C5orf63: variants seen among roughly 807,000 people sequenced by gnomAD.
C5orf63 encodes the protein chromosome 5 open reading frame 63, also known as glutaredoxin-like protein C5orf63.
A neutral mutation model predicts 13.3 loss-of-function variants in C5orf63; 18 were observed. The observed-to-expected ratio is 1.36, with a 90% CI of 0.94 to 2.01. The LOEUF (loss-of-function observed/expected upper bound fraction) is 2.01, where lower values mean the gene tolerates loss of function less well. C5orf63 is among the 30% of genes most tolerant of loss of function. The pLI, the probability that C5orf63 is intolerant of heterozygous loss-of-function variation, is 0.00. For synonymous variants in C5orf63, 38 were observed against 44.7 expected, an observed-to-expected ratio of 0.85 and a Z score of 0.60; for missense variants, 118 against 127.7, an observed-to-expected ratio of 0.92 and a Z score of 0.36.
At chr5:127,043,897 C>A (rs193104436), downstream of C5orf63, 1 of 152,180 alleles carries the variant, frequency 6.6e-6, no homozygotes, top group African/African-American at 2.4e-5. Context: ...TTAAGGGAAG[C>A]GTTTTCTAAA....
intron 2 of C5orf63, among the ~76,000 whole-genome samples, chr5:127,062,001 G>A (rs771206393): frequency 6.6e-5 from 10 of 152,168 alleles, no homozygotes; most frequent in African/African-American, 1.4e-4. Flanking sequence ...ATTTATTGAC[G>A]TCTGGTTGAT....
chr5:127,049,485 A>C (rs139920940), downstream of C5orf63, among the ~76,000 whole-genome samples: 4 of 152,290 alleles, frequency 2.6e-5, no homozygotes, highest in African/African-American at 9.6e-5. Flanking sequence ...CATTCCTGCT[A>C]CTTTTCCCAC....
Position 127,058,764 on chromosome 5 carries a change from A to C in C5orf63, c.114+118T>G. 3.1e-6 allele frequency: 2 copies of C among 649,608 alleles called. 1 individual carries two copies. The highest frequency in any genetic ancestry group is 5.3e-6 in the Non-Finnish European group (2 of 377,196). 40.2% of individuals were successfully genotyped at this position (649,608 alleles called of 1,614,324 possible). ...TGAGTTGCTGCTGTTGTGCTGATAG[A>C]AAAATTGAAGAGCAGGTCTGAAGAA... On this transcript the variant is annotated intron_variant, in intron 3 of 4. Transcript: ENST00000296662.
intron 2 of C5orf63, among the ~76,000 whole-genome samples, chr5:127,064,658 A>G (rs1012884583): frequency 2.6e-5 from 4 of 152,216 alleles, no homozygotes; most frequent in African/African-American, 9.6e-5. Flanking sequence ...GGTTTACCAC[A>G]CAGGGGATGA....
At chr5:127,049,495 C>T (rs1753605145), downstream of C5orf63, among the ~76,000 whole-genome samples, 1 of 152,210 alleles carries the variant, frequency 6.6e-6, no homozygotes, top group Non-Finnish European at 1.5e-5. Flanking sequence ...ACTTTTCCCA[C>T]CTGGTACCAT....
chr5:127,044,059 G>A (rs1753464168), downstream of C5orf63: 1 of 152,218 alleles, frequency 6.6e-6, no homozygotes, highest in African/African-American at 2.4e-5. Flanking sequence ...GGTATTCTAA[G>A]TAGCACAATG....
chr5:127,051,217 GATA>G (rs2126880731), downstream of C5orf63: 2 of 865,522 alleles, frequency 2.3e-6, no homozygotes, highest in Non-Finnish European at 3.0e-6. Flanking sequence ...CTTTGGCTAG[GATA>G]ATAATTCTCT....
downstream of C5orf63, among the ~76,000 whole-genome samples, chr5:127,049,822 G>A (rs1753614473): frequency 1.3e-5 from 2 of 152,232 alleles, no homozygotes; most frequent in Admixed American, 1.3e-4. Context: ...AAATCAAGAT[G>A]TTGGTCAAGG....
At chr5:127,048,676 T>TCCTATA (rs1194701001), downstream of C5orf63, among the ~76,000 whole-genome samples, 3 of 152,154 alleles carry the variant, frequency 2.0e-5, no homozygotes, top group Non-Finnish European at 4.4e-5. Context: ...TATCATGGGA[T>TCCTATA]TCTTGTTTGA....
At chr5:127,073,182 T>C (rs1754620708) in intron 1 of C5orf63, 2 of 151,176 alleles carry the variant, frequency 1.3e-5, no homozygotes, top group Admixed American at 1.3e-4. Context: ...CTCGAGATGT[T>C]TTCTGCTTTC....
chr5:127,072,120 A>G (rs1442364482), intron 1 of C5orf63: 1 of 152,240 alleles, frequency 6.6e-6, no homozygotes, highest in Non-Finnish European at 1.5e-5. Context: ...AAGAAAGACA[A>G]TCTGAGGATC....
intron 2 of C5orf63, among the ~76,000 whole-genome samples, chr5:127,070,840 A>G (rs1754511477): frequency 6.6e-6 from 1 of 152,122 alleles, no homozygotes; most frequent in African/African-American, 2.4e-5. Flanking sequence ...ACAACAAAGG[A>G]CCCACAACTG....
chr5:127,058,350 G>C (rs1753968251), intron 3 of C5orf63, among the ~76,000 whole-genome samples: 1 of 152,172 alleles, frequency 6.6e-6, no homozygotes, highest in East Asian at 1.9e-4. Context: ...CTGCATCCAT[G>C]TTGCTGCAAA....
chr5:127,069,071 G>A (rs969014099), intron 2 of C5orf63, among the ~76,000 whole-genome samples: 1 of 152,150 alleles, frequency 6.6e-6, no homozygotes, highest in Non-Finnish European at 1.5e-5. Context: ...CATAATGGCT[G>A]CAAAGCTGTT....
At chr5:127,062,219 TCAAC>T (rs1254164563) in intron 2 of C5orf63, among the ~76,000 whole-genome samples, 1 of 152,234 alleles carries the variant, frequency 6.6e-6, no homozygotes, top group Admixed American at 6.5e-5. Context: ...GAGGATTTGT[TCAAC>T]CAATCTACAG....
downstream of C5orf63, chr5:127,042,801 CT>C (rs1372816421): frequency 1.3e-5 from 2 of 152,122 alleles, no homozygotes; most frequent in East Asian, 3.8e-4. Flanking sequence ...TAACTGCCCC[CT>C]TATGGTGAAG....
At chr5:127,067,817 T>A (rs1210597759) in intron 2 of C5orf63, among the ~76,000 whole-genome samples, 1 of 152,206 alleles carries the variant, frequency 6.6e-6, no homozygotes, top group Non-Finnish European at 1.5e-5. Flanking sequence ...TGGATTTTAT[T>A]GATAATCTTT....
chr5:127,062,324 C>T (rs1447415942), intron 2 of C5orf63, among the ~76,000 whole-genome samples: 1 of 152,178 alleles, frequency 6.6e-6, no homozygotes, highest in Non-Finnish European at 1.5e-5. Context: ...GTTTTTTACA[C>T]ATTTTAAATT....
At chr5:127,059,390 A>G (rs774690546) in intron 2 of C5orf63, among the ~76,000 whole-genome samples, 4 of 152,152 alleles carry the variant, frequency 2.6e-5, no homozygotes, top group Non-Finnish European at 4.4e-5. Flanking sequence ...ATAGCTTATT[A>G]TACTGGCAAG....
Sources: allele counts gnomAD v4.1 joint callset (sites outside exome capture counted in the v4.1 genomes callset), GRCh38; gene constraint gnomAD v4.1.1; transcripts MANE v1.5; gene names NCBI Gene and HGNC (gene_info 2026-07-23, HGNC 2026-07-21).